GNB1: variants seen among roughly 807,000 people sequenced by gnomAD.
GNB1 encodes the protein G protein subunit beta 1.
A neutral mutation model predicts 42.9 loss-of-function variants in GNB1; 2 were observed. The ratio of observed to expected loss-of-function variants is 0.05; its 90% CI spans 0.02 to 0.15. GNB1 has a LOEUF of 0.15. Ranked by LOEUF, GNB1 falls within the 10% of genes least tolerant of loss-of-function variation. The pLI is 1.00. For synonymous variants in GNB1, 183 were observed against 174.7 expected (o/e 1.05, Z -0.38); for missense variants, 193 against 462.2 (o/e 0.42, Z 5.34).
intron 5 of GNB1, among the ~76,000 whole-genome samples, chr1:1,811,079 A>ATT (rs1375859183): frequency 9.6e-5 from 3 of 31,196 alleles, no homozygotes; most frequent in African/African-American, 7.2e-5. Flanking sequence ...ACATATATAT[A>ATT]TATTTTTTTT....
chr1:1,879,827 T>G (rs983637000), intron 1 of GNB1, among the ~76,000 whole-genome samples: 2 of 152,200 alleles, frequency 1.3e-5, no homozygotes, highest in Non-Finnish European at 2.9e-5. Flanking sequence ...TCACATCGTG[T>G]CTGCTCTCAG....
intron 7 of GNB1, among the ~76,000 whole-genome samples, chr1:1,801,547 A>G (rs1005339253): frequency 3.3e-5 from 5 of 152,208 alleles, no homozygotes; most frequent in Non-Finnish European, 2.9e-5. Flanking sequence ...GAGGACCGCG[A>G]GACATTGGGA....
Position 1,822,242 on chromosome 1 carries a change from A to G in GNB1, c.57+3155T>C, listed in dbSNP as rs115686533. Among the ~76,000 whole-genome samples the G allele has an allele frequency of 8.4e-3, 1,270 of 151,748 alleles. 22 individuals carry two copies. The highest frequency in any genetic ancestry group is 0.029 in the African/African-American group (1,219 of 41,326). ...GCTCATGCAATCCTCCTGCCTTGGT[A>G]TCCCAAAGTACTGGGATTAACGGCA... On this transcript the variant is annotated intron_variant, in intron 3 of 11. Transcript: ENST00000378609.
chr1:1,816,777 T>C lies in GNB1; in HGVS notation c.97-915A>G, dbSNP rs368458798. On this transcript the variant is annotated intron_variant, in intron 4 of 11. Coordinates refer to ENST00000378609, the MANE Select transcript of GNB1 (RefSeq NM_002074.5). ...AATTCTCCTGCCTCAGCCCCCTGAG[T>C]AGCTGGGATTACAGGTGTGTGCCAC... Among the ~76,000 whole-genome samples the C allele has an allele frequency of 8.6e-5, 13 of 151,538 alleles. 1 individual carries two copies. Among genetic ancestry groups the C allele is most frequent in the Admixed American group, 2.6e-4 (4 of 15,150 alleles).
chr1:1,880,503 G>A (rs115042250), intron 1 of GNB1, among the ~76,000 whole-genome samples: 2,831 of 152,050 alleles, frequency 0.019, 89 homozygotes, highest in African/African-American at 0.064. Context: ...GCAGAATTGC[G>A]TGAACCCGGG....
chr1:1,820,350 TCTG>T (rs1646915429), intron 3 of GNB1, among the ~76,000 whole-genome samples: 1 of 114,476 alleles, frequency 8.7e-6, no homozygotes, highest in African/African-American at 3.7e-5. Context: ...AGAGCGAGAC[TCTG>T]TTTAAAAAAA....
intron 1 of GNB1, among the ~76,000 whole-genome samples, chr1:1,869,864 T>G (rs948213166): frequency 1.3e-5 from 2 of 152,116 alleles, no homozygotes; most frequent in African/African-American, 4.8e-5. Flanking sequence ...AAAAACAATC[T>G]TTTCTTTTTT....
intron 5 of GNB1, among the ~76,000 whole-genome samples, chr1:1,808,364 A>G (rs368161776): frequency 1.3e-5 from 2 of 151,942 alleles, no homozygotes; most frequent in Admixed American, 6.6e-5. Context: ...CGGAATCCAC[A>G]TGTTGAAAAG....
chr1:1,876,940 C>T (rs76829720), intron 1 of GNB1, among the ~76,000 whole-genome samples: 1 of 152,100 alleles, frequency 6.6e-6, no homozygotes, highest in Non-Finnish European at 1.5e-5. Flanking sequence ...ATAATTACTA[C>T]TCATGTTTTC....
chr1:1,809,189 ATTTT>A (rs34549355), intron 5 of GNB1, among the ~76,000 whole-genome samples: 8 of 92,718 alleles, frequency 8.6e-5, no homozygotes, highest in African/African-American at 1.7e-4. Context: ...TTCAGATGCA[ATTTT>A]TTTTTTTTTT....
chr1:1,824,295 G>A (rs987145673), intron 3 of GNB1, among the ~76,000 whole-genome samples: 38 of 152,222 alleles, frequency 2.5e-4, no homozygotes, highest in African/African-American at 9.1e-4. Flanking sequence ...CACAAAAGTA[G>A]GAGCAGCAGA....
chr1:1,807,463 GAAAAAAAAAAAAAAAA>G (rs533616486), intron 5 of GNB1, among the ~76,000 whole-genome samples: 103 of 25,582 alleles, frequency 4.0e-3, no homozygotes, highest in Middle Eastern at 0.023. Context: ...GATCCTGACT[GAAAAAAAAAAAAAAAA>G]AAAAAAAAAA....
chr1:1,817,936 C>A, intron 3 of GNB1, 61 bp from the exon 4 acceptor site: 2 of 1,281,676 alleles, frequency 1.6e-6, no homozygotes, highest in South Asian at 1.2e-5. Flanking sequence ...CTCAGGTCCA[C>A]ACATACCAAA....
At chr1:1,842,369 G>A (rs936212512) in intron 1 of GNB1, among the ~76,000 whole-genome samples, 2 of 151,856 alleles carry the variant, frequency 1.3e-5, no homozygotes, top group African/African-American at 4.8e-5. Flanking sequence ...GGTAGGGCTT[G>A]CAGTGAGCCA....
chr1:1,822,024 A>C (rs902631013), intron 3 of GNB1, among the ~76,000 whole-genome samples: 2 of 152,058 alleles, frequency 1.3e-5, no homozygotes, highest in African/African-American at 4.8e-5. Context: ...AGTTCCAGCT[A>C]CTCGGGAGGC....
chr1:1,883,295 GAAAA>G (rs941863705), intron 1 of GNB1, among the ~76,000 whole-genome samples: 4 of 140,100 alleles, frequency 2.9e-5, no homozygotes, highest in African/African-American at 1.0e-4. Context: ...AAAAAAAAAA[GAAAA>G]AGAAAAAAAA....
intron 3 of GNB1, among the ~76,000 whole-genome samples, chr1:1,823,633 AATGTTAAGATTTAAAATTCTTACAGTAG>A (rs985061587): frequency 1.3e-5 from 2 of 152,208 alleles, no homozygotes; most frequent in African/African-American, 4.8e-5. Context: ...AGATCTTTTA[AATGTTAAGATTTAAAATTCTTACAGTAG>A]AGGATACTTT....
At chr1:1,802,598 G>A (rs746535583) in intron 7 of GNB1, among the ~76,000 whole-genome samples, 7 of 151,906 alleles carry the variant, frequency 4.6e-5, no homozygotes, top group Admixed American at 2.6e-4. Context: ...GCAAAACCCC[G>A]TCTCTACTAA....
Position 1,787,421 on chromosome 1 carries a change from A to G in GNB1, c.933T>C (p.His311=). The change falls in exon 11 of 12, where the codon CAT becomes CAC. Residue 311 remains histidine, a synonymous_variant. Transcript: ENST00000378609. This position sits in a 1 kb window ranked among gnomAD's most constrained non-coding sequence, Gnocchi z 4.4. ...KADRAGVLAG[H]DNRVSCLGVT... ...CGCCCAGGCAGCTGACGCGGTTGTC[A>G]TGCCCAGCCAAGACACCTGGGAGCA... is the stretch of plus-strand genomic sequence containing the variant. 1.9e-6 allele frequency: 3 copies of G among 1,611,804 alleles called. No individual in the cohort carries two copies. The highest frequency in any genetic ancestry group is 2.5e-6 in the Non-Finnish European group (3 of 1,178,010).
Sources: gnomAD v4.1 joint callset for allele counts (sites outside exome capture counted in the v4.1 genomes callset) on GRCh38, gnomAD v4.1.1 for gene constraint, Gnocchi (gnomAD v3.1) non-coding constraint, MANE v1.5 for transcripts, NCBI Gene and HGNC (gene_info 2026-07-23, HGNC 2026-07-21) for gene names.